The following EBF3 variants were observed in gnomAD, a reference collection of about 807,000 sequenced individuals.
The protein encoded by EBF3 is transcription factor COE3.
EBF3 carries 18 observed loss-of-function variants against 77.1 expected under a neutral mutation model. That is an observed-to-expected ratio of 0.23 (90% confidence interval 0.16 to 0.35). The LOEUF (loss-of-function observed/expected upper bound fraction) is 0.35, where lower values mean the gene tolerates loss of function less well. Ranked by LOEUF, EBF3 falls within the 10% of genes least tolerant of loss-of-function variation. The probability of loss-of-function intolerance (pLI) is 1.00; values close to 1 mark genes in which losing one functional copy is unlikely to be tolerated. For synonymous variants in EBF3, 350 were observed against 343.5 expected, an observed-to-expected ratio of 1.02 and a Z score of -0.21; for missense variants, 558 against 860.0, an observed-to-expected ratio of 0.65 and a Z score of 4.39.
chr10:129,923,946 C>T (rs780188571), intron 6 of EBF3, among the ~76,000 whole-genome samples: 1 of 152,144 alleles, frequency 6.6e-6, no homozygotes, highest in Non-Finnish European at 1.5e-5. Flanking sequence ...TCAACACCAA[C>T]GAAATGATTC....
intron 6 of EBF3, among the ~76,000 whole-genome samples, chr10:129,932,778 G>C (rs776421811): frequency 3.3e-5 from 5 of 152,148 alleles, no homozygotes; most frequent in Non-Finnish European, 5.9e-5. Context: ...GACAGAGCCG[G>C]CATGTGACCA....
Position 129,842,547 on chromosome 10 carries a change from T to C in EBF3, c.1195-254A>G, listed in dbSNP as rs1850149529. ...GGGAGGTCAAGGCAGGCGGATCATC[T>C]GAGGTCAGGAGTTCAAGACCAGCCT... On this transcript the variant is annotated intron_variant, in intron 12 of 16. Coordinates refer to ENST00000440978, the MANE Select transcript of EBF3 (RefSeq NM_001375380.1). The surrounding 1 kb of genome is among the most constrained non-coding windows in gnomAD (Gnocchi z 4.4). 6.6e-6 allele frequency among the ~76,000 whole-genome samples: 1 copy of C among 152,156 alleles called. No individual in the cohort carries two copies. Among genetic ancestry groups the C allele is most frequent in the Non-Finnish European group, 1.5e-5 (1 of 68,014 alleles).
chr10:129,837,760 G>C lies in EBF3; in HGVS notation c.*183C>G, dbSNP rs1436807869. ...TGAAGAAGTAGGCTGTTTGCATGTT[G>C]ATTCTTAATAGTTTAAATAAAATCT... On this transcript the variant is annotated 3_prime_UTR_variant, in exon 17 of 17. Transcript: ENST00000440978. 1 of 712,746 alleles carries C rather than the reference G, an allele frequency of 1.4e-6. No individual in the cohort carries two copies. The highest frequency in any genetic ancestry group is 2.8e-5 in the East Asian group (1 of 35,758). The allele number at this position is 712,746 out of a possible 1,614,324, so 44.2% of individuals were successfully genotyped here.
rs1282607339 is a variant in EBF3 at position 129,943,692 on chromosome 10, C to A, written c.554+13566G>T. Among the ~76,000 whole-genome samples the A allele has an allele frequency of 1.3e-5, 2 of 151,932 alleles. No homozygotes were observed. Among genetic ancestry groups the A allele is most frequent in the Admixed American group, 6.6e-5 (1 of 15,266 alleles). On this transcript the variant is annotated intron_variant, in intron 6 of 16. Transcript: ENST00000440978. This position sits in a 1 kb window ranked among gnomAD's most constrained non-coding sequence, Gnocchi z 8.8. ...TCCTTCAGACATTTTTTTTTTACCT[C>A]TGCTATGAATTAAAAGAATTGCTAG...
chr10:129,867,620 C>T (rs968039266), intron 9 of EBF3, among the ~76,000 whole-genome samples, 162 bp downstream of exon 9: 3 of 152,070 alleles, frequency 2.0e-5, no homozygotes, highest in African/African-American at 4.8e-5. Context: ...GGGGGTGTTC[C>T]GTAGCCACCC....
chr10:129,878,901 A>G (rs1404778113), intron 6 of EBF3, among the ~76,000 whole-genome samples: 1 of 151,010 alleles, frequency 6.6e-6, no homozygotes, highest in African/African-American at 2.4e-5. Context: ...TGAGGCGGTA[A>G]TGAAACTGTT....
In EBF3 at chr10:129,841,882, C is replaced by T. The variant is rs1475502501; in HGVS notation, c.1372+234G>A. On this transcript the variant is annotated intron_variant, in intron 13 of 16. Transcript: ENST00000440978. The surrounding 1 kb of genome is among the most constrained non-coding windows in gnomAD (Gnocchi z 4.6). The stretch of plus-strand genomic sequence containing the variant: ...TAGCAAATACCAGTGACCCGCATGG[C>T]ATCCATTGGAGCTGCCGTTTTTAGT... 1.3e-5 allele frequency among the ~76,000 whole-genome samples: 2 copies of T among 152,200 alleles called. No individual in the cohort carries two copies. The highest frequency in any genetic ancestry group is 2.9e-5 in the Non-Finnish European group (2 of 68,030).
chr10:129,948,611 C>A (rs930326038), intron 6 of EBF3, among the ~76,000 whole-genome samples: 1 of 46,728 alleles, frequency 2.1e-5, no homozygotes, highest in African/African-American at 9.0e-5. Context: ...GACGTTAACA[C>A]TGGGGGAAAC....
At chr10:129,874,182 T>C (rs1852596971) in intron 7 of EBF3, among the ~76,000 whole-genome samples, 1 of 152,148 alleles carries the variant, frequency 6.6e-6, no homozygotes, top group Admixed American at 6.5e-5. Context: ...ATATGAATAG[T>C]GGGAGTGTTT....
chr10:129,915,335 G>C (rs1048217150), intron 6 of EBF3, among the ~76,000 whole-genome samples: 5 of 152,146 alleles, frequency 3.3e-5, no homozygotes, highest in Admixed American at 2.6e-4. Context: ...TGGCATCTGG[G>C]ACAGGAAAGG....
rs945880670 is a variant in EBF3 at position 129,841,624 on chromosome 10, A to G, written c.1372+492T>C. Among the ~76,000 whole-genome samples the G allele has an allele frequency of 1.3e-5, 2 of 152,142 alleles. No homozygotes were observed. Among genetic ancestry groups the G allele is most frequent in the Non-Finnish European group, 2.9e-5 (2 of 68,038 alleles). On this transcript the variant is annotated intron_variant, in intron 13 of 16. Coordinates refer to ENST00000440978, the MANE Select transcript of EBF3 (RefSeq NM_001375380.1). This position sits in a 1 kb window ranked among gnomAD's most constrained non-coding sequence, Gnocchi z 4.6. ...ATGAAGAAAACTAAAATGGACCCAA[A>G]TGGCAAGATGCAGCGGCCTTGGCTG...
chr10:129,873,459 C>A lies in EBF3; in HGVS notation c.774G>T (p.Leu258=). The A allele has an allele frequency of 6.5e-7, 1 of 1,529,366 alleles. No individual in the cohort carries two copies. The highest frequency in any genetic ancestry group is 8.8e-7 in the Non-Finnish European group (1 of 1,136,884). 94.7% of individuals were successfully genotyped at this position (1,529,366 alleles called of 1,614,324 possible). ...CATGTAACATGTGCCTACCATTTTC[C>A]AGATAAGAAGGGGCCGTACCTTCTG... ...DPSEGTAPSY[L]ENATPCIKAI... Residue 258 remains leucine (L), a synonymous_variant, in exon 8 of 17, where the codon CTG becomes CTT. Coordinates refer to ENST00000440978, the MANE Select transcript of EBF3 (RefSeq NM_001375380.1).
intron 6 of EBF3, among the ~76,000 whole-genome samples, chr10:129,910,501 T>C (rs1305718335): frequency 1.3e-5 from 2 of 151,924 alleles, no homozygotes; most frequent in Non-Finnish European, 2.9e-5. Context: ...ATTGGAAGGG[T>C]CCGAAGAGCC....
At chr10:129,884,200 G>A (rs1011478058) in intron 6 of EBF3, among the ~76,000 whole-genome samples, 17 of 152,282 alleles carry the variant, frequency 1.1e-4, no homozygotes, top group Admixed American at 3.9e-4. Context: ...GCCATCAGTC[G>A]CTGGAGTATT....
At chr10:129,850,305 A>C (rs1013472552) in intron 10 of EBF3, among the ~76,000 whole-genome samples, 1 of 152,238 alleles carries the variant, frequency 6.6e-6, no homozygotes, top group Non-Finnish European at 1.5e-5. Context: ...AAGCTTTCAG[A>C]AGCTTTATGA....
rs1219121784 is a variant in EBF3 at position 129,943,516 on chromosome 10, T to C, written c.554+13742A>G. ...TCTGGAGGTTAGAGATTGGATAATTTCTTTCAGCTGGACCTGGCCTCCAGC... is the reference window on the plus strand; with the variant it reads ...TCTGGAGGTTAGAGATTGGATAATTCCTTTCAGCTGGACCTGGCCTCCAGC... On this transcript the variant is annotated intron_variant, in intron 6 of 16. Coordinates refer to ENST00000440978, the MANE Select transcript of EBF3 (RefSeq NM_001375380.1). This position sits in a 1 kb window ranked among gnomAD's most constrained non-coding sequence, Gnocchi z 8.8. Among the ~76,000 whole-genome samples, 1 of 152,200 alleles carries C rather than the reference T, an allele frequency of 6.6e-6. No individual in the cohort carries two copies.
intron 11 of EBF3, among the ~76,000 whole-genome samples, chr10:129,847,038 A>G (rs971293197): frequency 1.1e-4 from 17 of 152,046 alleles, no homozygotes; most frequent in Non-Finnish European, 1.8e-4. Flanking sequence ...GTGCTCACCA[A>G]TGAGGGCCCT....
At position 129,841,162 on chromosome 10, in the gene EBF3, G is replaced by A. The variant is rs898410623; in HGVS notation, c.1373-130C>T. On this transcript the variant is annotated intron_variant, in intron 13 of 16. Coordinates refer to ENST00000440978, the MANE Select transcript of EBF3 (RefSeq NM_001375380.1). This position sits in a 1 kb window ranked among gnomAD's most constrained non-coding sequence, Gnocchi z 4.6. ...CCCTGTGCTTTCCACCTGCTCTAGC[G>A]CCTGCTGCCAGCTCGGATGACCTTA... 8.1e-6 allele frequency: 10 copies of A among 1,241,238 alleles called. No individual in the cohort carries two copies. Among genetic ancestry groups the A allele is most frequent in the Middle Eastern group, 2.8e-4 (1 of 3,524 alleles). The allele number at this position is 1,241,238 out of a possible 1,614,324, so 76.9% of individuals were successfully genotyped here.
At chr10:129,925,821 C>CA (rs1390001240) in intron 6 of EBF3, among the ~76,000 whole-genome samples, 86 of 152,124 alleles carry the variant, frequency 5.7e-4, no homozygotes, top group Non-Finnish European at 1.0e-3. Flanking sequence ...AACACAAAGC[C>CA]CACGCACCAC....
Sources: gnomAD v4.1 joint callset for allele counts (sites outside exome capture counted in the v4.1 genomes callset) on GRCh38, gnomAD v4.1.1 for gene constraint, Gnocchi (gnomAD v3.1) non-coding constraint, MANE v1.5 for transcripts, NCBI Gene and HGNC (gene_info 2026-07-23, HGNC 2026-07-21) for gene names.